Variants in ZSCAN25 observed in about 807,000 individuals in gnomAD.
The protein encoded by ZSCAN25 is zinc finger and SCAN domain containing 25.
Under a neutral mutation model 38.7 loss-of-function variants are expected in ZSCAN25, and 27 were observed. That is an observed-to-expected ratio of 0.70 (90% CI 0.51 to 0.96). ZSCAN25 has a LOEUF of 0.96. Ranked by LOEUF, ZSCAN25 falls within the 40% of genes least tolerant of loss-of-function variation. ZSCAN25 has a pLI of 0.00. For missense variants in ZSCAN25, 637 were observed against 705.9 expected (o/e 0.90, Z 1.11); for synonymous variants, 273 against 277.7 (o/e 0.98, Z 0.17).
At chr7:99,704,583 G>A in the ZSCAN25 span, among the ~76,000 whole-genome samples, 10 of 152,032 alleles carry the variant, frequency 6.6e-5, no homozygotes, top group African/African-American at 2.4e-4. Flanking sequence ...GAGCCACTGT[G>A]TCTCATCAAA....
chr7:99,690,473 G>A, the ZSCAN25 span, among the ~76,000 whole-genome samples: 7 of 152,176 alleles, frequency 4.6e-5, no homozygotes, highest in African/African-American at 1.7e-4. Flanking sequence ...AAGAGCTTCT[G>A]CACAGCAAAA....
chr7:99,695,648 C>T, the ZSCAN25 span: 1 of 1,024,528 alleles, frequency 9.8e-7, no homozygotes, highest in Non-Finnish European at 1.5e-6. Context: ...AAGTGTAAAA[C>T]CTCAGACCTT....
At chr7:99,680,967 G>C in the ZSCAN25 span, among the ~76,000 whole-genome samples, 3 of 152,194 alleles carry the variant, frequency 2.0e-5, no homozygotes, top group African/African-American at 4.8e-5. Flanking sequence ...TGTGCTCCCA[G>C]TACTTGGGTA....
chr7:99,724,092 CT>C, the ZSCAN25 span, among the ~76,000 whole-genome samples: 1 of 152,096 alleles, frequency 6.6e-6, no homozygotes, highest in Non-Finnish European at 1.5e-5. Flanking sequence ...CAAGTACCAT[CT>C]CCCCTCTCTC....
At chr7:99,648,125 A>G in the ZSCAN25 span, 1 of 1,302,180 alleles carries the variant, frequency 7.7e-7, no homozygotes, top group East Asian at 3.0e-5. Context: ...ATACTACATA[A>G]TGCACAACAC....
intron 4 of ZSCAN25, 200 bp downstream of exon 4, chr7:99,620,193 G>C (rs1806828711): frequency 1.4e-6 from 1 of 720,438 alleles, no homozygotes; most frequent in African/African-American, 1.8e-5. Context: ...CTGCCATGCA[G>C]AAGGGCCTGA....
chr7:99,719,638 G>C, the ZSCAN25 span, among the ~76,000 whole-genome samples: 6 of 152,012 alleles, frequency 3.9e-5, no homozygotes, highest in African/African-American at 1.4e-4. Context: ...AATAAAAAAA[G>C]TTTTCCCTGA....
chr7:99,715,618 A>G, the ZSCAN25 span: 1 of 1,421,902 alleles, frequency 7.0e-7, no homozygotes, highest in Non-Finnish European at 9.8e-7. Flanking sequence ...TACAATGGTG[A>G]TGGTCGTACA....
rs574014078 is a variant in ZSCAN25, at chr7:99,629,640, G to A, written c.1255G>A (p.Glu419Lys). Residue 419 changes from glutamate (E) to lysine (K), a missense_variant, in exon 8 of 8, where the codon GAG becomes AAG. Coordinates refer to ENST00000394152, the MANE Select transcript of ZSCAN25 (RefSeq NM_145115.3). This position sits in a 1 kb window ranked among gnomAD's most constrained non-coding sequence, Gnocchi z 5.6. ...AACCTTCAGCCAGAGACACCACCTGGAGGTGCACCAGCGCAGCCACACTGG... is the reference window on the plus strand; with the variant it reads ...AACCTTCAGCCAGAGACACCACCTGAAGGTGCACCAGCGCAGCCACACTGG... The part of the protein sequence containing the change: ...WKTFSQRHHL[E>K]VHQRSHTGEK... 1.2e-6 allele frequency: 2 copies of A among 1,613,930 alleles called. No homozygotes were observed. The highest frequency in any genetic ancestry group is 2.7e-5 in the African/African-American group (2 of 74,908).
At chr7:99,699,962 A>T in the ZSCAN25 span, 25 of 1,600,060 alleles carry the variant, frequency 1.6e-5, no homozygotes, top group Non-Finnish European at 2.1e-5. Context: ...ACAGTTACTG[A>T]CAGATAGAGG....
At chr7:99,690,582 T>A in the ZSCAN25 span, among the ~76,000 whole-genome samples, 3 of 151,832 alleles carry the variant, frequency 2.0e-5, no homozygotes, top group Non-Finnish European at 2.9e-5. Context: ...TCTACAATGA[T>A]CTCAAACAAA....
At chr7:99,636,440 A>C (rs1389232867), downstream of ZSCAN25, among the ~76,000 whole-genome samples, 2 of 152,234 alleles carry the variant, frequency 1.3e-5, no homozygotes, top group African/African-American at 2.4e-5. Flanking sequence ...TACTTTAAAT[A>C]GTTCATTTTT....
At chr7:99,680,943 T>C in the ZSCAN25 span, among the ~76,000 whole-genome samples, 1 of 152,216 alleles carries the variant, frequency 6.6e-6, no homozygotes, top group Non-Finnish European at 1.5e-5. Context: ...GCATTCATGA[T>C]GTATTTTAAA....
At chr7:99,665,297 C>G in the ZSCAN25 span, 1 of 1,614,154 alleles carries the variant, frequency 6.2e-7, no homozygotes, top group Non-Finnish European at 8.5e-7. Context: ...CACATCCATG[C>G]TGTAGGCCCC....
At chr7:99,699,341 A>G in the ZSCAN25 span, among the ~76,000 whole-genome samples, 1 of 152,158 alleles carries the variant, frequency 6.6e-6, no homozygotes, top group Non-Finnish European at 1.5e-5. Context: ...TGGAGGAGTG[A>G]GTCATAGGAG....
the ZSCAN25 span, among the ~76,000 whole-genome samples, chr7:99,680,917 T>C: frequency 6.6e-6 from 1 of 152,222 alleles, no homozygotes; most frequent in Admixed American, 6.5e-5. Context: ...TCTCATCTAT[T>C]CATTCCTGTA....
At chr7:99,670,692 A>G in the ZSCAN25 span, among the ~76,000 whole-genome samples, 1 of 152,170 alleles carries the variant, frequency 6.6e-6, no homozygotes, top group Non-Finnish European at 1.5e-5. Flanking sequence ...TTGCTTCACA[A>G]TCACACCTTG....
At chr7:99,705,130 A>T in the ZSCAN25 span, 10 of 250,644 alleles carry the variant, frequency 4.0e-5, no homozygotes, top group African/African-American at 2.2e-4. Flanking sequence ...TCACTGTTAG[A>T]GCCATCAAAA....
chr7:99,660,243 T>TAAA, the ZSCAN25 span: 2 of 958,420 alleles, frequency 2.1e-6, no homozygotes, highest in Non-Finnish European at 2.5e-6. Flanking sequence ...TTTTTTTTTT[T>TAAA]TTACTTAGCA....
Sources: gnomAD v4.1 joint callset for allele counts (sites outside exome capture counted in the v4.1 genomes callset) on GRCh38, gnomAD v4.1.1 for gene constraint, Gnocchi (gnomAD v3.1) non-coding constraint, MANE v1.5 for transcripts, NCBI Gene and HGNC (gene_info 2026-07-23, HGNC 2026-07-21) for gene names.